SCHIP1: variants seen among roughly 807,000 people sequenced by gnomAD.
SCHIP1 encodes the protein schwannomin-interacting protein 1.
A neutral mutation model predicts 29.7 loss-of-function variants in SCHIP1; 8 were observed. The ratio of observed to expected loss-of-function variants is 0.27; its 90% CI spans 0.16 to 0.49. The LOEUF is 0.49. SCHIP1 is among the 20% of genes least tolerant of loss of function. The pLI, the probability that SCHIP1 is intolerant of heterozygous loss-of-function variation, is 0.99. For synonymous variants in SCHIP1, 76 were observed against 94.9 expected, an observed-to-expected ratio of 0.80 and a Z score of 1.16; for missense variants, 193 against 294.6, an observed-to-expected ratio of 0.66 and a Z score of 2.52.
the SCHIP1 span, among the ~76,000 whole-genome samples, chr3:159,531,621 A>G: frequency 1.3e-5 from 2 of 152,280 alleles, no homozygotes; most frequent in East Asian, 3.9e-4. Flanking sequence ...TAATCAATCA[A>G]TGCAAAAGTA....
At chr3:159,692,690 G>GA in the SCHIP1 span, among the ~76,000 whole-genome samples, 32 of 152,296 alleles carry the variant, frequency 2.1e-4, no homozygotes, top group African/African-American at 7.5e-4. Context: ...TCAAAGGTAA[G>GA]AGTCTGACGG....
the SCHIP1 span, among the ~76,000 whole-genome samples, chr3:159,569,393 C>G: frequency 6.6e-6 from 1 of 152,156 alleles, no homozygotes; most frequent in East Asian, 1.9e-4. Context: ...ATTCAATTCC[C>G]ACCTATATGT....
At chr3:159,764,236 G>A in the SCHIP1 span, 2 of 525,566 alleles carry the variant, frequency 3.8e-6, no homozygotes, top group Non-Finnish European at 6.5e-6. The surrounding 1 kb of genome is among the most constrained non-coding windows in gnomAD (Gnocchi z 6.1). Context: ...TTAGTTACCG[G>A]CAGGAAGTCT....
At chr3:159,358,883 C>A in the SCHIP1 span, among the ~76,000 whole-genome samples, 1 of 146,790 alleles carries the variant, frequency 6.8e-6, no homozygotes, top group South Asian at 2.1e-4. Flanking sequence ...GTATTGTAAG[C>A]TAAAGTGCAC....
chr3:159,669,835 G>A, the SCHIP1 span, among the ~76,000 whole-genome samples: 1 of 152,276 alleles, frequency 6.6e-6, no homozygotes, highest in South Asian at 2.1e-4. Context: ...CCTGTGTTCT[G>A]CCCACAAGCC....
the SCHIP1 span, chr3:159,764,345 C>T: frequency 1.4e-6 from 2 of 1,402,396 alleles, no homozygotes; most frequent in Non-Finnish European, 1.9e-6. The surrounding 1 kb of genome is among the most constrained non-coding windows in gnomAD (Gnocchi z 6.1). Context: ...ACCCAGCGGG[C>T]GCAGGGTGCG....
At chr3:159,684,833 A>G in the SCHIP1 span, among the ~76,000 whole-genome samples, 4 of 151,014 alleles carry the variant, frequency 2.6e-5, no homozygotes, top group African/African-American at 9.8e-5. Context: ...AAAGAAAGAA[A>G]AAAGAAAAAA....
chr3:159,850,542 C>CA lies in SCHIP1; in HGVS notation c.30+10352dup, dbSNP rs61224003. ...GCACTCCAGGCTGGAGATTCCATCT[C>CA]AAAAAAAAAAAAAAAAAAAAAAAAG... is the stretch of plus-strand genomic sequence containing the variant. On this transcript the variant is annotated intron_variant, in intron 1 of 6. Transcript: ENST00000445224. Among the ~76,000 whole-genome samples the CA allele has an allele frequency of 7.9e-3, 828 of 104,364 alleles. 9 individuals are homozygous for CA. Among genetic ancestry groups the CA allele is most frequent in the African/African-American group, 0.013 (370 of 29,152 alleles). 68.5% of individuals were successfully genotyped at this position (104,364 alleles called of 152,430 possible). A position where few individuals can be genotyped will look rare whatever the true frequency, so the allele number is the denominator to read the frequency against.
At chr3:159,510,482 T>G in the SCHIP1 span, among the ~76,000 whole-genome samples, 156 of 152,350 alleles carry the variant, frequency 1.0e-3, 2 homozygotes, top group South Asian at 1.0e-2. Context: ...AAAGTCATTC[T>G]TTGTCCAGCT....
At chr3:159,542,122 A>C in the SCHIP1 span, among the ~76,000 whole-genome samples, 1 of 152,250 alleles carries the variant, frequency 6.6e-6, no homozygotes, top group Admixed American at 6.6e-5. Context: ...ATATTGTATT[A>C]GTAAATTGAA....
At chr3:159,772,939 CTA>C in the SCHIP1 span, among the ~76,000 whole-genome samples, 1 of 152,146 alleles carries the variant, frequency 6.6e-6, no homozygotes, top group Non-Finnish European at 1.5e-5. Context: ...CGGGATTTCA[CTA>C]TGTTGGCCAG....
At chr3:159,325,863 C>T in the SCHIP1 span, among the ~76,000 whole-genome samples, 7 of 151,914 alleles carry the variant, frequency 4.6e-5, no homozygotes, top group African/African-American at 1.7e-4. Context: ...CTAAAATGCT[C>T]GTAATAGTAA....
the SCHIP1 span, among the ~76,000 whole-genome samples, chr3:159,586,029 C>G: frequency 2.0e-5 from 3 of 151,840 alleles, no homozygotes; most frequent in African/African-American, 7.3e-5. Context: ...ACATTCAGCT[C>G]TAAGATAACT....
the SCHIP1 span, among the ~76,000 whole-genome samples, chr3:159,563,631 C>A: frequency 6.6e-6 from 1 of 152,118 alleles, no homozygotes; most frequent in African/African-American, 2.4e-5. Flanking sequence ...GAGTTCAAGA[C>A]CATCCTGAGC....
At chr3:159,408,013 A>G in the SCHIP1 span, among the ~76,000 whole-genome samples, 2 of 152,188 alleles carry the variant, frequency 1.3e-5, no homozygotes. Context: ...TAGTAGAAAA[A>G]GAATAATAAA....
the SCHIP1 span, among the ~76,000 whole-genome samples, chr3:159,815,025 G>A: frequency 2.0e-5 from 3 of 152,172 alleles, no homozygotes; most frequent in Non-Finnish European, 1.5e-5. Flanking sequence ...AGGAGGGGGT[G>A]TAATCCAAAT....
the SCHIP1 span, among the ~76,000 whole-genome samples, chr3:159,634,932 A>T: frequency 6.6e-6 from 1 of 152,184 alleles, no homozygotes; most frequent in African/African-American, 2.4e-5. Context: ...CAAACAAAGC[A>T]ACTAAACTTC....
the SCHIP1 span, among the ~76,000 whole-genome samples, chr3:159,373,534 A>C: frequency 6.6e-6 from 1 of 151,944 alleles, no homozygotes; most frequent in Non-Finnish European, 1.5e-5. Context: ...GAAAATAGAG[A>C]CTTTGTATCC....
At chr3:159,891,167 C>G (rs974476146) in intron 5 of SCHIP1, among the ~76,000 whole-genome samples, 1 of 152,094 alleles carries the variant, frequency 6.6e-6, no homozygotes, top group African/African-American at 2.4e-5. Flanking sequence ...GTCAGGAGAT[C>G]AAGACCATCC....
Sources: gnomAD v4.1 joint callset for allele counts (sites outside exome capture counted in the v4.1 genomes callset) on GRCh38, gnomAD v4.1.1 for gene constraint, Gnocchi (gnomAD v3.1) non-coding constraint, MANE v1.5 for transcripts, NCBI Gene and HGNC (gene_info 2026-07-23, HGNC 2026-07-21) for gene names.